Variants in MTMR8 observed in about 807,000 individuals in gnomAD.
MTMR8 encodes myotubularin related protein 8, also known as phosphatidylinositol-3,5-bisphosphate 3-phosphatase MTMR8.
MTMR8 carries 65 observed loss-of-function variants against 39.3 expected under a neutral mutation model. That is an observed-to-expected ratio of 1.65 (90% confidence interval 1.35 to 2.03). MTMR8 has a LOEUF of 2.03. Among genes scored for constraint, MTMR8 ranks in the 30% most tolerant of loss-of-function variants. MTMR8 has a pLI of 0.00. For missense variants in MTMR8, 777 were observed against 538.9 expected (o/e 1.44, Z -4.37); for synonymous variants, 245 against 185.2 (o/e 1.32, Z -2.62).
chrX:64,361,037 C>T (rs914302949), intron 1 of MTMR8, among the ~76,000 whole-genome samples: 7 of 110,187 alleles, frequency 6.4e-5, no homozygotes, highest in African/African-American at 2.0e-4. Context: ...TAGATCTTTG[C>T]TAAAAAAGAG....
intron 12 of MTMR8, among the ~76,000 whole-genome samples, chrX:64,279,164 C>A (rs762596757): frequency 1.8e-5 from 2 of 111,841 alleles, no homozygotes; most frequent in Non-Finnish European, 3.8e-5. Flanking sequence ...TGAAGCTGTG[C>A]CCAAAGCCAC....
At chrX:64,281,896 G>C (rs1480643796) in intron 12 of MTMR8, among the ~76,000 whole-genome samples, 1 of 102,671 alleles carries the variant, frequency 9.7e-6, no homozygotes, top group East Asian at 2.9e-4. Context: ...CCATCAAAAA[G>C]AGGGCAAAGG....
intron 12 of MTMR8, among the ~76,000 whole-genome samples, chrX:64,314,793 G>A (rs1024739754): frequency 8.9e-6 from 1 of 112,216 alleles, no homozygotes; most frequent in Admixed American, 9.4e-5. Flanking sequence ...GAGTGGGTGG[G>A]ATGGTACGTG....
intron 12 of MTMR8, among the ~76,000 whole-genome samples, chrX:64,271,823 T>A (rs1357199637): frequency 1.8e-5 from 2 of 112,031 alleles, no homozygotes; most frequent in African/African-American, 6.5e-5. Flanking sequence ...CATGTAGGCA[T>A]GTACCACAGC....
chrX:64,354,117 A>C (rs1367321176), intron 4 of MTMR8, among the ~76,000 whole-genome samples: 1 of 109,290 alleles, frequency 9.1e-6, no homozygotes, highest in Non-Finnish European at 1.9e-5. Context: ...AAAAAAAAAA[A>C]AAAATGAACT....
intron 12 of MTMR8, among the ~76,000 whole-genome samples, chrX:64,281,953 C>T (rs1295832681): frequency 2.7e-5 from 3 of 110,085 alleles, no homozygotes; most frequent in Non-Finnish European, 5.7e-5. Context: ...ATTTATGCGG[C>T]CAACAAACAT....
chrX:64,271,096 G>T (rs199883466), intron 12 of MTMR8, 23 bp from the exon 13 acceptor site: 129 of 1,172,237 alleles, frequency 1.1e-4, no homozygotes, highest in Non-Finnish European at 9.7e-5. Flanking sequence ...AAAATGGGGG[G>T]AAAAGTGGGT....
At chrX:64,278,460 G>GTTTTTTTTTTTTTTTTT (rs56132040) in intron 12 of MTMR8, among the ~76,000 whole-genome samples, 1 of 24,686 alleles carries the variant, frequency 4.1e-5, no homozygotes, top group Non-Finnish European at 8.2e-5. Flanking sequence ...TATTTTGCTG[G>GTTTTTTTTTTTTTTTTT]TTTTTTTTTT....
At position 64,363,721 on chromosome X, in the gene MTMR8, A is replaced by T. The variant is rs191712439; in HGVS notation, c.25-4194T>A. 3.3e-3 allele frequency among the ~76,000 whole-genome samples: 368 copies of T among 111,738 alleles called. 1 individual carries two copies. The highest frequency in any genetic ancestry group is 9.2e-3 in the Middle Eastern group (2 of 218). On this transcript the variant is annotated intron_variant, in intron 1 of 13. Coordinates refer to ENST00000374852, the MANE Select transcript of MTMR8 (RefSeq NM_017677.4). ...CATTTCCAACTGAGGTACCTGGTTC[A>T]TCTAATTGGGACTGGTTGGACAGTG...
At chrX:64,269,108 C>T (rs1033950338) in intron 13 of MTMR8, 65 bp from the exon 14 acceptor site, 1 of 1,080,214 alleles carries the variant, frequency 9.3e-7, no homozygotes, top group African/African-American at 1.8e-5. Context: ...GCAAACATTA[C>T]CTTGATCTGC....
intron 5 of MTMR8, among the ~76,000 whole-genome samples, chrX:64,349,311 A>G (rs1463997017): frequency 9.0e-6 from 1 of 111,642 alleles, no homozygotes; most frequent in East Asian, 2.8e-4. Flanking sequence ...ATGTCTGGTA[A>G]TGATTAGTTC....
At chrX:64,361,887 C>T (rs1164511009) in intron 1 of MTMR8, among the ~76,000 whole-genome samples, 1 of 110,439 alleles carries the variant, frequency 9.1e-6, no homozygotes, top group Non-Finnish European at 1.9e-5. Context: ...CTATATTTGG[C>T]ACCACTTACA....
At chrX:64,343,745 T>C (rs1276777486) in intron 7 of MTMR8, 25 bp from the exon 8 acceptor site, 3 of 1,047,795 alleles carry the variant, frequency 2.9e-6, no homozygotes, top group Middle Eastern at 2.5e-4. Context: ...GAAGCAGAGA[T>C]TGAAATTCAC....
chrX:64,373,192 G>C (rs1924173784), intron 1 of MTMR8, among the ~76,000 whole-genome samples: 1 of 112,141 alleles, frequency 8.9e-6, no homozygotes. Flanking sequence ...GTGAGGTAAA[G>C]GCAGGCAGTG....
At chrX:64,309,795 G>A (rs1245701031) in intron 12 of MTMR8, among the ~76,000 whole-genome samples, 1 of 112,362 alleles carries the variant, frequency 8.9e-6, no homozygotes. Context: ...ACAATATACT[G>A]TAGTCTATTA....
At position 64,339,806 on chromosome X, in the gene MTMR8, G is replaced by A. The variant is rs755305736; in HGVS notation, c.976-2413C>T. 2.7e-4 allele frequency among the ~76,000 whole-genome samples: 30 copies of A among 109,552 alleles called. 1 individual carries two copies. The highest frequency in any genetic ancestry group is 1.7e-3 in the Admixed American group (18 of 10,292). The stretch of plus-strand genomic sequence containing the variant: ...TGTCCACCGAGATAGCAAAGAAGTC[G>A]GTAAGGATAATAGTGAGAAGAGGTA... On this transcript the variant is annotated intron_variant, in intron 8 of 13. Transcript: ENST00000374852.
At chrX:64,317,539 G>A (rs1922504731) in intron 12 of MTMR8, among the ~76,000 whole-genome samples, 1 of 110,636 alleles carries the variant, frequency 9.0e-6, no homozygotes, top group Admixed American at 9.6e-5. Flanking sequence ...TTTTCATTTG[G>A]TTCTCCTTTA....
intron 12 of MTMR8, among the ~76,000 whole-genome samples, chrX:64,327,633 T>C (rs1342277104): frequency 5.3e-5 from 6 of 112,365 alleles, no homozygotes; most frequent in Non-Finnish European, 7.5e-5. Context: ...CCTAAAAATA[T>C]AAAAAGAGAA....
At chrX:64,276,645 CTGTT>C (rs1931877407) in intron 12 of MTMR8, among the ~76,000 whole-genome samples, 1 of 111,600 alleles carries the variant, frequency 9.0e-6, no homozygotes, top group Non-Finnish European at 1.9e-5. Flanking sequence ...GTCTGAGACA[CTGTT>C]TGTTATGATT....
Sources: gnomAD v4.1 joint callset for allele counts (sites outside exome capture counted in the v4.1 genomes callset) on GRCh38, gnomAD v4.1.1 for gene constraint, MANE v1.5 for transcripts, NCBI Gene and HGNC (gene_info 2026-07-23, HGNC 2026-07-21) for gene names.